The following ASXL2 variants were observed in gnomAD, a reference collection of about 807,000 sequenced individuals.
ASXL2 encodes putative Polycomb group protein ASXL2.
In ASXL2, 23 loss-of-function variants were observed where a neutral mutation model predicts 122.0. That is an observed-to-expected ratio of 0.19 (90% CI 0.14 to 0.27). ASXL2 has a LOEUF of 0.27. ASXL2 is among the 10% of genes least tolerant of loss of function. The probability of loss-of-function intolerance (pLI) is 1.00; values close to 1 mark genes in which losing one functional copy is unlikely to be tolerated. For synonymous variants in ASXL2, 650 were observed against 637.0 expected, an observed-to-expected ratio of 1.02 and a Z score of -0.31; for missense variants, 1,518 against 1,713.8, an observed-to-expected ratio of 0.89 and a Z score of 2.02.
chr2:25,818,224 T>C (rs1466074441), intron 3 of ASXL2, among the ~76,000 whole-genome samples: 1 of 152,246 alleles, frequency 6.6e-6, no homozygotes, highest in African/African-American at 2.4e-5. Flanking sequence ...TAAAAATCCA[T>C]GCTGGGCCAC....
At chr2:25,787,877 G>A (rs2088773936) in intron 5 of ASXL2, among the ~76,000 whole-genome samples, 1 of 152,130 alleles carries the variant, frequency 6.6e-6, no homozygotes, top group African/African-American at 2.4e-5. Flanking sequence ...CTAACAAGCT[G>A]CTTCTAAAAT....
chr2:25,816,230 T>A, intron 3 of ASXL2, among the ~76,000 whole-genome samples: 1 of 144,180 alleles, frequency 6.9e-6, no homozygotes, highest in Non-Finnish European at 1.5e-5. Flanking sequence ...AAAGCGAGCC[T>A]CCATCTCAAA....
At chr2:25,791,555 AAC>A (rs2088834983) in intron 5 of ASXL2, among the ~76,000 whole-genome samples, 1 of 151,908 alleles carries the variant, frequency 6.6e-6, no homozygotes, top group Non-Finnish European at 1.5e-5. Flanking sequence ...ACTAAAGGTT[AAC>A]CATATGATCC....
intron 1 of ASXL2, among the ~76,000 whole-genome samples, chr2:25,851,908 A>G (rs1372272070): frequency 6.6e-6 from 1 of 152,218 alleles, no homozygotes; most frequent in African/African-American, 2.4e-5. Flanking sequence ...AAAAAAAGAA[A>G]GAAAATGTGC....
At chr2:25,748,420 C>T (rs186453223) in intron 12 of ASXL2, among the ~76,000 whole-genome samples, 3 of 151,736 alleles carry the variant, frequency 2.0e-5, no homozygotes, top group East Asian at 3.9e-4. Context: ...GCAGGAGAAT[C>T]GCTTGAACCT....
At chr2:25,801,855 T>C (rs2089003564) in intron 4 of ASXL2, among the ~76,000 whole-genome samples, 1 of 152,222 alleles carries the variant, frequency 6.6e-6, no homozygotes, top group African/African-American at 2.4e-5. Context: ...AAATCTATCC[T>C]ACTTGAGTTA....
chr2:25,874,808 A>C (rs2089997625), intron 1 of ASXL2, among the ~76,000 whole-genome samples: 1 of 152,124 alleles, frequency 6.6e-6, no homozygotes, highest in Non-Finnish European at 1.5e-5. Context: ...AGCTGAGTAT[A>C]GTGGACCACG....
intron 1 of ASXL2, among the ~76,000 whole-genome samples, chr2:25,864,264 T>C (rs1161336722): frequency 6.6e-6 from 1 of 152,092 alleles, no homozygotes; most frequent in Non-Finnish European, 1.5e-5. Context: ...TTTACCTTAC[T>C]GGCAGGTGAG....
intron 1 of ASXL2, among the ~76,000 whole-genome samples, chr2:25,855,940 C>T (rs2089772375): frequency 6.6e-6 from 1 of 151,588 alleles, no homozygotes; most frequent in African/African-American, 2.4e-5. Flanking sequence ...GTCGGCCAGG[C>T]TGCAGTGCAG....
At chr2:25,748,698 A>G (rs1275694143) in intron 12 of ASXL2, among the ~76,000 whole-genome samples, 1 of 152,232 alleles carries the variant, frequency 6.6e-6, no homozygotes, top group Admixed American at 6.5e-5. Context: ...ATTCCTTGGT[A>G]AGAAAAATAA....
chr2:25,862,382 A>G (rs977551055), intron 1 of ASXL2, among the ~76,000 whole-genome samples: 1 of 152,228 alleles, frequency 6.6e-6, no homozygotes, highest in Non-Finnish European at 1.5e-5. Context: ...AACAATTACA[A>G]AAGTATGATG....
chr2:25,873,268 A>C (rs923102072), intron 1 of ASXL2, among the ~76,000 whole-genome samples: 2 of 152,148 alleles, frequency 1.3e-5, no homozygotes, highest in Non-Finnish European at 2.9e-5. Flanking sequence ...AATTTGTATT[A>C]TAAAAATTGG....
At chr2:25,757,674 C>CAAAAAAAAAAAAAAA (rs60732948) in intron 9 of ASXL2, among the ~76,000 whole-genome samples, 4 of 35,828 alleles carry the variant, frequency 1.1e-4, no homozygotes, top group African/African-American at 2.5e-4. Flanking sequence ...GACTCCATCT[C>CAAAAAAAAAAAAAAA]AAAAAAAAAA....
At chr2:25,795,728 A>T (rs1354766051) in intron 5 of ASXL2, among the ~76,000 whole-genome samples, 1 of 152,188 alleles carries the variant, frequency 6.6e-6, no homozygotes, top group African/African-American at 2.4e-5. Context: ...TTCCAAACTT[A>T]AAAGGAAAAG....
chr2:25,812,184 C>T (rs1002981348), intron 3 of ASXL2, among the ~76,000 whole-genome samples: 1 of 151,156 alleles, frequency 6.6e-6, no homozygotes, highest in African/African-American at 2.4e-5. Context: ...AAAGGCTGGC[C>T]GCAGTGGCTC....
At chr2:25,792,216 GGC>G (rs1269821052) in intron 5 of ASXL2, among the ~76,000 whole-genome samples, 2 of 152,118 alleles carry the variant, frequency 1.3e-5, no homozygotes, top group Non-Finnish European at 2.9e-5. Context: ...TGCCCAGGCT[GGC>G]CTCAAACTCC....
chr2:25,781,966 CTT>C (rs35973982), intron 5 of ASXL2, among the ~76,000 whole-genome samples: 33 of 81,070 alleles, frequency 4.1e-4, no homozygotes, highest in African/African-American at 1.5e-3. Context: ...GGGCTTTTTT[CTT>C]TTTTTTTTTT....
At chr2:25,824,807 T>C (rs1021167522) in intron 3 of ASXL2, among the ~76,000 whole-genome samples, 1 of 152,200 alleles carries the variant, frequency 6.6e-6, no homozygotes, top group Non-Finnish European at 1.5e-5. Context: ...ACTAATGATG[T>C]CTAATTTCCC....
intron 2 of ASXL2, among the ~76,000 whole-genome samples, chr2:25,841,312 T>C (rs1406491515): frequency 2.0e-5 from 3 of 152,052 alleles, no homozygotes; most frequent in Admixed American, 1.3e-4. Context: ...AAAAGTGCCA[T>C]TTGACACATC....
Sources: gnomAD v4.1 joint callset for allele counts (sites outside exome capture counted in the v4.1 genomes callset) on GRCh38, gnomAD v4.1.1 for gene constraint, MANE v1.5 for transcripts, NCBI Gene and HGNC (gene_info 2026-07-23, HGNC 2026-07-21) for gene names.